Variants in INPP5B observed in about 807,000 individuals in gnomAD.
The protein encoded by INPP5B is inositol polyphosphate-5-phosphatase B, also known as type II inositol 1,4,5-trisphosphate 5-phosphatase.
INPP5B carries 90 observed loss-of-function variants against 118.5 expected under a neutral mutation model. The observed-to-expected ratio is 0.76, with a 90% CI of 0.64 to 0.90. INPP5B has a LOEUF of 0.90. Ranked by LOEUF, INPP5B falls within the 40% of genes least tolerant of loss-of-function variation. The pLI, the probability that INPP5B is intolerant of heterozygous loss-of-function variation, is 0.00. For synonymous variants in INPP5B, 385 were observed against 418.9 expected, an observed-to-expected ratio of 0.92 and a Z score of 0.99; for missense variants, 984 against 1,125.6, an observed-to-expected ratio of 0.87 and a Z score of 1.80.
At chr1:37,873,518 T>C (rs1160985223) in intron 18 of INPP5B, 1 of 337,134 alleles carries the variant, frequency 3.0e-6, no homozygotes, top group Non-Finnish European at 5.6e-6. Flanking sequence ...TCAGTAGAAG[T>C]GTAACGCAAT....
At chr1:37,934,887 G>A (rs1175764459) in intron 6 of INPP5B, among the ~76,000 whole-genome samples, 2 of 143,110 alleles carry the variant, frequency 1.4e-5, no homozygotes, top group African/African-American at 2.5e-5. Flanking sequence ...TCTGACAGGC[G>A]GTGTTCTTTT....
At chr1:37,933,409 A>T (rs1380931935) in intron 6 of INPP5B, among the ~76,000 whole-genome samples, 2 of 152,080 alleles carry the variant, frequency 1.3e-5, no homozygotes, top group Non-Finnish European at 2.9e-5. Flanking sequence ...TTAGCTGGCC[A>T]TGGTGGCATG....
chr1:37,914,989 C>G (rs139084914), intron 7 of INPP5B, among the ~76,000 whole-genome samples: 4 of 152,296 alleles, frequency 2.6e-5, no homozygotes, highest in Admixed American at 1.3e-4. Flanking sequence ...GAAACCATTT[C>G]CCTAGGAGCA....
At chr1:37,882,182 C>A (rs867090979) in intron 14 of INPP5B, among the ~76,000 whole-genome samples, 46 of 151,418 alleles carry the variant, frequency 3.0e-4, no homozygotes, top group Non-Finnish European at 4.9e-4. Flanking sequence ...ACAACAACAA[C>A]AAAAAAGGAC....
At chr1:37,874,460 G>A (rs1221873595) in intron 17 of INPP5B, among the ~76,000 whole-genome samples, 2 of 152,128 alleles carry the variant, frequency 1.3e-5, no homozygotes, top group African/African-American at 4.8e-5. Flanking sequence ...TAAACATGAA[G>A]ATCAAGCCCA....
At position 37,873,013 on chromosome 1, in the gene INPP5B, T is replaced by C; in HGVS notation, c.2104A>G (p.Ser702Gly). 6 of 1,614,146 alleles carry C rather than the reference T, an allele frequency of 3.7e-6. No homozygotes were observed. The highest frequency in any genetic ancestry group is 5.1e-6 in the Non-Finnish European group (6 of 1,180,026). The change falls in exon 19 of 24, where the codon AGC becomes GGC. Residue 702 changes from serine (S) to glycine (G), a missense_variant. Ser to Gly is a moderately conservative substitution (Grantham distance 56, BLOSUM62 0). Around this residue, in one of 2 missense-constraint regions of INPP5B, gnomAD observed 634 missense variants for 791.0 expected, o/e 0.80. Transcript: ENST00000373024. ...GTATGAATGGGAGACCCAAAACAGCTGGGCAGGTAGTTCCCAGACACAGAC... is the reference window on the plus strand; with the variant it reads ...GTATGAATGGGAGACCCAAAACAGCCGGGCAGGTAGTTCCCAGACACAGAC... Reference protein sequence around the residue: ...FLSVSGNYLPSCFGSPIHTLC... With the variant: ...FLSVSGNYLPGCFGSPIHTLC...
intron 19 of INPP5B, among the ~76,000 whole-genome samples, chr1:37,870,877 G>A (rs1211119515): frequency 6.6e-6 from 1 of 152,248 alleles, no homozygotes; most frequent in Admixed American, 6.5e-5. Context: ...GAGTTAGGCA[G>A]GGCATGGTGG....
At chr1:37,925,423 T>C (rs1451510487) in intron 7 of INPP5B, among the ~76,000 whole-genome samples, 1 of 152,146 alleles carries the variant, frequency 6.6e-6, no homozygotes, top group East Asian at 1.9e-4. Context: ...TATTTATCTA[T>C]TTAAATTTAG....
chr1:37,931,734 C>A (rs752036617), intron 7 of INPP5B, 179 bp downstream of exon 7: 57 of 1,576,674 alleles, frequency 3.6e-5, no homozygotes, highest in Non-Finnish European at 4.9e-5. Flanking sequence ...CTTCCTCAAG[C>A]TCCTCATCCC....
chr1:37,916,535 G>A (rs1644872405), intron 7 of INPP5B, among the ~76,000 whole-genome samples: 1 of 151,544 alleles, frequency 6.6e-6, no homozygotes, highest in Admixed American at 6.6e-5. Context: ...TCTTGCCTCA[G>A]CCTCCCGAGT....
intron 16 of INPP5B, among the ~76,000 whole-genome samples, chr1:37,876,426 A>G (rs746861811): frequency 4.0e-5 from 6 of 151,690 alleles, no homozygotes; most frequent in Non-Finnish European, 8.8e-5. Flanking sequence ...CCACAGATAG[A>G]TAATAAATAA....
At chr1:37,864,166 G>A (rs1557611244) in intron 23 of INPP5B, 146 bp downstream of exon 23, 7 of 581,100 alleles carry the variant, frequency 1.2e-5, no homozygotes, top group Non-Finnish European at 2.2e-5. Flanking sequence ...GTGTCCAAAC[G>A]CAAAACTTTC....
intron 7 of INPP5B, among the ~76,000 whole-genome samples, chr1:37,911,727 C>T (rs1291587274): frequency 6.6e-6 from 1 of 152,198 alleles, no homozygotes; most frequent in Non-Finnish European, 1.5e-5. Context: ...GAGGTTTCCT[C>T]ACTACTCAAG....
intron 7 of INPP5B, among the ~76,000 whole-genome samples, chr1:37,895,669 C>T (rs1315388741): frequency 6.6e-6 from 1 of 151,986 alleles, no homozygotes; most frequent in East Asian, 1.9e-4. Flanking sequence ...CGCGCCGCCA[C>T]GCCTGACTGG....
At chr1:37,867,902 G>A (rs1427161182) in intron 20 of INPP5B, among the ~76,000 whole-genome samples, 1 of 152,150 alleles carries the variant, frequency 6.6e-6, no homozygotes, top group African/African-American at 2.4e-5. Context: ...GAAGGAGAGC[G>A]ATGACATCCT....
intron 12 of INPP5B, among the ~76,000 whole-genome samples, 159 bp from the exon 13 acceptor site, chr1:37,885,984 C>T (rs1257371903): frequency 6.6e-6 from 1 of 152,058 alleles, no homozygotes; most frequent in African/African-American, 2.4e-5. Context: ...TCAAGACCAG[C>T]CTGGCCAAGA....
Position 37,864,411 on chromosome 1 carries a change from G to T in INPP5B, c.2527C>A (p.Leu843Ile). Residue 843 changes from leucine to isoleucine, a missense_variant, in exon 23 of 24, where the codon CTC becomes ATC. Leu to Ile is a conservative substitution (Grantham distance 5). This residue lies in a region of INPP5B where 634 missense variants were observed against 791.0 expected (regional missense o/e 0.80). Transcript: ENST00000373024. ...AAGACATTTTTGTGGAATATGGGGA[G>T]AGTAGAAATGACCTGAAAGAGGAAG... ...YTASKQVIST[L>I]PIFHKNVFHY... 1.3e-6 allele frequency: 2 copies of T among 1,599,732 alleles called. No individual in the cohort carries two copies. Among genetic ancestry groups the T allele is most frequent in the South Asian group, 1.1e-5 (1 of 90,536 alleles).
intron 7 of INPP5B, among the ~76,000 whole-genome samples, chr1:37,904,977 A>G (rs1054419843): frequency 2.0e-4 from 31 of 152,250 alleles, no homozygotes; most frequent in Non-Finnish European, 7.3e-5. Context: ...AGGTTTTATT[A>G]AGAATTGGGT....
intron 20 of INPP5B, among the ~76,000 whole-genome samples, chr1:37,866,985 G>C (rs1642086343): frequency 6.6e-6 from 1 of 152,256 alleles, no homozygotes; most frequent in Non-Finnish European, 1.5e-5. Context: ...TGTAATCCCA[G>C]AACTTTGGGA....
Sources: gnomAD v4.1 joint callset for allele counts (sites outside exome capture counted in the v4.1 genomes callset) on GRCh38, gnomAD v4.1.1 for gene constraint, gnomAD v4.1.1 regional missense constraint, MANE v1.5 for transcripts, NCBI Gene and HGNC (gene_info 2026-07-23, HGNC 2026-07-21) for gene names.